LRRC52: variants seen among roughly 807,000 people sequenced by gnomAD.
The protein encoded by LRRC52 is leucine-rich repeat-containing protein 52.
In LRRC52, 15 loss-of-function variants were observed where a neutral mutation model predicts 14.7. The observed-to-expected ratio is 1.02, with a 90% CI of 0.68 to 1.58. The LOEUF (loss-of-function observed/expected upper bound fraction) is 1.58, where lower values mean the gene tolerates loss of function less well. Among genes scored for constraint, LRRC52 ranks in the 40% most tolerant of loss-of-function variants. LRRC52 has a pLI of 0.00. For missense variants in LRRC52, 400 were observed against 387.7 expected (o/e 1.03, Z -0.27); for synonymous variants, 180 against 163.9 (o/e 1.10, Z -0.75).
In LRRC52 at chr1:165,563,671, C is replaced by G; in HGVS notation, c.789C>G (p.Ala263=). 6.2e-7 allele frequency: 1 copy of G among 1,614,196 alleles called. No homozygotes were observed. The highest frequency in any genetic ancestry group is 8.5e-7 in the Non-Finnish European group (1 of 1,180,024). The change falls in exon 2 of 2, where the codon GCC becomes GCG. Residue 263 remains alanine, a synonymous_variant. Coordinates refer to ENST00000294818, the MANE Select transcript of LRRC52 (RefSeq NM_001005214.4). ...TCTTCGCCGCGGGAACTGTGGCTGC[C>G]TGGCTCACAGGTGTGTGTGCTGTGC... The part of the protein sequence containing the change: ...FCIFAAGTVA[A]WLTGVCAVLY...
At position 165,549,184 on chromosome 1, in the gene LRRC52, G is replaced by A. The variant is rs1419937754; in HGVS notation, c.622+4266G>A. The stretch of plus-strand genomic sequence containing the variant: ...AAGCAGAAGCTCAAATCAAGACTTT[G>A]TCTCAGCCTGGGCCATGAGACTTGG... On this transcript the variant is annotated intron_variant, in intron 1 of 1. Transcript: ENST00000294818. Among the ~76,000 whole-genome samples the A allele has an allele frequency of 9.9e-5, 15 of 152,166 alleles. No individual in the cohort carries two copies. The South Asian group carries it at 1.7e-3, about 17-fold the overall frequency.
intron 1 of LRRC52, among the ~76,000 whole-genome samples, chr1:165,554,411 T>G (rs984101669): frequency 7.1e-6 from 1 of 139,900 alleles, no homozygotes; most frequent in Non-Finnish European, 1.6e-5. Flanking sequence ...GCATGACCCA[T>G]ATGCAATGAT....
At chr1:165,545,400 T>C (rs562537808) in intron 1 of LRRC52, among the ~76,000 whole-genome samples, 4 of 152,186 alleles carry the variant, frequency 2.6e-5, no homozygotes, top group South Asian at 2.1e-4. Flanking sequence ...TCATATAGGA[T>C]TATGATATAT....
intron 1 of LRRC52, among the ~76,000 whole-genome samples, chr1:165,551,516 G>A (rs1661131109): frequency 6.6e-6 from 1 of 152,202 alleles, no homozygotes; most frequent in South Asian, 2.1e-4. Context: ...TGAGAATTCA[G>A]AAAGTGACAG....
At chr1:165,563,439 C>T in intron 1 of LRRC52, 66 bp from the exon 2 acceptor site, 1 of 1,452,530 alleles carries the variant, frequency 6.9e-7, no homozygotes, top group Non-Finnish European at 9.4e-7. Flanking sequence ...TCCTGATCCC[C>T]TTTGGCCTTA....
At chr1:165,559,159 C>A (rs1319661861) in intron 1 of LRRC52, among the ~76,000 whole-genome samples, 1 of 152,206 alleles carries the variant, frequency 6.6e-6, no homozygotes, top group Non-Finnish European at 1.5e-5. Context: ...GAGGCAAAGG[C>A]AGGAGGATCA....
In LRRC52 at chr1:165,544,905, T is replaced by A; in HGVS notation, c.609T>A (p.His203Gln). 1 of 1,613,910 alleles carries A rather than the reference T, an allele frequency of 6.2e-7. No individual in the cohort carries two copies. Among genetic ancestry groups the A allele is most frequent in the Non-Finnish European group, 8.5e-7 (1 of 1,179,894 alleles). Residue 203 changes from histidine (H) to glutamine (Q), a missense_variant, in exon 1 of 2, where the codon CAT becomes CAA. His to Gln is a conservative substitution (Grantham distance 24). Transcript: ENST00000294818. ...TCGCCATCTTCTTAATAGTGTTCCA[T>A]ATGGACCCCTCAGGTGAGGGCTTGA... ...LDFAIFLIVF[H>Q]MDPSDDLNAT...
intron 1 of LRRC52, among the ~76,000 whole-genome samples, chr1:165,557,351 C>G (rs1276994103): frequency 6.6e-6 from 1 of 152,120 alleles, no homozygotes; most frequent in Non-Finnish European, 1.5e-5. Flanking sequence ...GGTACTCACC[C>G]AGTGTAGAGT....
At chr1:165,561,077 G>T (rs375578979) in intron 1 of LRRC52, among the ~76,000 whole-genome samples, 3 of 152,154 alleles carry the variant, frequency 2.0e-5, no homozygotes, top group Non-Finnish European at 2.9e-5. Context: ...CAGTGACTGC[G>T]ACTGGGAAGA....
chr1:165,557,694 T>G (rs1293163357), intron 1 of LRRC52, among the ~76,000 whole-genome samples: 1 of 152,188 alleles, frequency 6.6e-6, no homozygotes, highest in Non-Finnish European at 1.5e-5. Flanking sequence ...TTGGGTGGAC[T>G]GGGGCCTAAA....
chr1:165,545,001 G>A (rs1156606786), intron 1 of LRRC52, 83 bp downstream of exon 1: 5 of 1,539,694 alleles, frequency 3.2e-6, no homozygotes, highest in Non-Finnish European at 4.4e-6. Flanking sequence ...GTCAGAATGG[G>A]AGAAAAAGTT....
chr1:165,555,850 T>A (rs112798077), intron 1 of LRRC52, among the ~76,000 whole-genome samples: 1,968 of 152,360 alleles, frequency 0.013, 21 homozygotes, highest in South Asian at 0.029. Context: ...TGGTTTGTTA[T>A]CCATGAGGAC....
At chr1:165,545,506 G>A (rs1294562375) in intron 1 of LRRC52, among the ~76,000 whole-genome samples, 1 of 152,152 alleles carries the variant, frequency 6.6e-6, no homozygotes, top group African/African-American at 2.4e-5. Flanking sequence ...GCTTTTGATA[G>A]CTGCTTTGTT....
At chr1:165,546,705 C>T (rs1347115040) in intron 1 of LRRC52, among the ~76,000 whole-genome samples, 2 of 152,110 alleles carry the variant, frequency 1.3e-5, no homozygotes, top group African/African-American at 4.8e-5. Flanking sequence ...TCCACCCCAG[C>T]ACCTAAGCCT....
chr1:165,563,216 G>T (rs1375092383), intron 1 of LRRC52, among the ~76,000 whole-genome samples: 1 of 152,148 alleles, frequency 6.6e-6, no homozygotes, highest in Non-Finnish European at 1.5e-5. Flanking sequence ...TGGCCTGAAT[G>T]CAGCAAAGCC....
At chr1:165,550,491 T>C (rs1222682605) in intron 1 of LRRC52, among the ~76,000 whole-genome samples, 1 of 152,226 alleles carries the variant, frequency 6.6e-6, no homozygotes, top group African/African-American at 2.4e-5. Flanking sequence ...CACCTAAGGC[T>C]ACTGGCTACC....
intron 1 of LRRC52, among the ~76,000 whole-genome samples, chr1:165,554,186 T>C (rs566182828): frequency 1.3e-5 from 2 of 152,258 alleles, no homozygotes; most frequent in African/African-American, 4.8e-5. Context: ...ACACAGTACA[T>C]GTTCAATTAA....
At chr1:165,554,593 T>C (rs1661198284) in intron 1 of LRRC52, among the ~76,000 whole-genome samples, 2 of 152,200 alleles carry the variant, frequency 1.3e-5, no homozygotes, top group South Asian at 4.1e-4. Context: ...TGTGCCACCA[T>C]GCTTAGACAA....
intron 1 of LRRC52, among the ~76,000 whole-genome samples, chr1:165,553,328 G>T (rs10157700): frequency 0.16 from 23,736 of 152,192 alleles, 2,309 homozygotes; most frequent in African/African-American, 0.27. Context: ...GATAAGGACA[G>T]AAAACTGTCC....
Sources: gnomAD v4.1 joint callset for allele counts (sites outside exome capture counted in the v4.1 genomes callset) on GRCh38, gnomAD v4.1.1 for gene constraint, MANE v1.5 for transcripts, NCBI Gene and HGNC (gene_info 2026-07-23, HGNC 2026-07-21) for gene names.